SYNE1: variants seen among roughly 807,000 people sequenced by gnomAD.
SYNE1 encodes spectrin repeat containing nuclear envelope protein 1.
SYNE1 carries 616 observed loss-of-function variants against 1,111.0 expected under a neutral mutation model. The observed-to-expected ratio is 0.55, with a 90% CI of 0.52 to 0.59. SYNE1 has a LOEUF of 0.59. Ranked by LOEUF, SYNE1 falls within the 20% of genes least tolerant of loss-of-function variation. The probability of loss-of-function intolerance (pLI) is 0.00; values close to 1 mark genes in which losing one functional copy is unlikely to be tolerated. For missense variants in SYNE1, 10,006 were observed against 10,417.0 expected (o/e 0.96, Z 1.72); for synonymous variants, 3,855 against 3,825.8 (o/e 1.01, Z -0.28).
chr6:152,568,494 G>T (rs1156930966), intron 3 of SYNE1, among the ~76,000 whole-genome samples: 1 of 151,630 alleles, frequency 6.6e-6, no homozygotes, highest in Non-Finnish European at 1.5e-5. Flanking sequence ...GTAGAGATGG[G>T]GTTTCACCAT....
chr6:152,508,927 ATT>A (rs1181843585), intron 8 of SYNE1, among the ~76,000 whole-genome samples: 2 of 152,124 alleles, frequency 1.3e-5, no homozygotes. Context: ...TTCTCTTTTT[ATT>A]TTTTTATTTT....
At position 152,441,248 on chromosome 6, in the gene SYNE1, C is replaced by T. The variant is rs144566713; in HGVS notation, c.4031G>A (p.Arg1344Gln). 9.1e-4 allele frequency: 1,466 copies of T among 1,609,426 alleles called. 3 individuals are homozygous for T. Among genetic ancestry groups the T allele is most frequent in the Non-Finnish European group, 8.5e-4 (1,002 of 1,177,086 alleles). The change falls in exon 32 of 146, where the codon CGA becomes CAA. Residue 1344 changes from arginine to glutamine, a missense_variant. Transcript: ENST00000367255. ...RIQVTLRKWE[R>Q]FETNKETVVR... ...TACTGTTTCTTTGTTTGTTTCAAATCGCTCCCATTTTCTTAATGTGACCTA... is the reference window on the plus strand; with the variant it reads ...TACTGTTTCTTTGTTTGTTTCAAATTGCTCCCATTTTCTTAATGTGACCTA...
intron 11 of SYNE1, among the ~76,000 whole-genome samples, chr6:152,495,323 C>T (rs747159584): frequency 7.9e-5 from 12 of 152,160 alleles, no homozygotes; most frequent in Admixed American, 5.9e-4. Context: ...AAGGCCACCG[C>T]GGTCATCTCC....
At chr6:152,533,267 C>T (rs1309473732) in intron 4 of SYNE1, among the ~76,000 whole-genome samples, 2 of 151,658 alleles carry the variant, frequency 1.3e-5, no homozygotes, top group Admixed American at 1.3e-4. Context: ...TTTCCTGTGA[C>T]AGATAGCATA....
intron 62 of SYNE1, 96 bp from the exon 63 acceptor site, chr6:152,365,115 C>A (rs2097045459): frequency 2.0e-6 from 3 of 1,488,788 alleles, no homozygotes; most frequent in African/African-American, 1.4e-5. Flanking sequence ...GAATAATATG[C>A]AATTGTGCCC....
At chr6:152,216,896 C>T (rs764297319) in intron 121 of SYNE1, among the ~76,000 whole-genome samples, 1 of 151,418 alleles carries the variant, frequency 6.6e-6, no homozygotes, top group Admixed American at 6.6e-5. Flanking sequence ...CTCTCCATCT[C>T]TACTAAAAAT....
At chr6:152,541,530 C>T (rs527589289) in intron 3 of SYNE1, among the ~76,000 whole-genome samples, 3 of 152,062 alleles carry the variant, frequency 2.0e-5, no homozygotes, top group South Asian at 2.1e-4. Flanking sequence ...AGGCAGATTA[C>T]GAGGTCAGGA....
At chr6:152,165,140 A>G (rs1254357297) in intron 130 of SYNE1, among the ~76,000 whole-genome samples, 1 of 150,072 alleles carries the variant, frequency 6.7e-6, no homozygotes, top group East Asian at 2.0e-4. Flanking sequence ...GGATTGTCAC[A>G]CAGTCAGTGG....
At chr6:152,155,404 C>T (rs1033456817) in intron 132 of SYNE1, 6 of 311,534 alleles carry the variant, frequency 1.9e-5, no homozygotes, top group Admixed American at 1.4e-4. Context: ...AAGACGAGGT[C>T]GGAAAATCCA....
At chr6:152,282,086 T>C (rs1424836382) in intron 96 of SYNE1, 106 bp from the exon 97 acceptor site, 4 of 1,209,282 alleles carry the variant, frequency 3.3e-6, no homozygotes, top group Admixed American at 1.9e-5. Context: ...TAAGAATCAC[T>C]GGTAAAACTT....
At chr6:152,543,908 T>C (rs2099289862) in intron 3 of SYNE1, among the ~76,000 whole-genome samples, 1 of 152,242 alleles carries the variant, frequency 6.6e-6, no homozygotes, top group African/African-American at 2.4e-5. Context: ...TAATAGTCTA[T>C]ACCCTCTAGG....
chr6:152,398,656 T>C lies in SYNE1; in HGVS notation c.7313A>G (p.Asp2438Gly). Residue 2438 changes from aspartate to glycine, a missense_variant, in exon 49 of 146, where the codon GAC becomes GGC. Physicochemically the swap from Asp to Gly is moderately conservative, Grantham distance 94. Around this residue, in one of 7 missense-constraint regions of SYNE1, gnomAD observed 4,955 missense variants for 5,017.2 expected, o/e 0.99. Coordinates refer to ENST00000367255, the MANE Select transcript of SYNE1 (RefSeq NM_182961.4). ...AAKESSDRTG[D>G]SKVLEAKLHD... ...GAGCTTTGCTTCTAGAACTTTGCTG[T>C]CACCGGTGCGATCTGATGATTCTTT... 6.2e-7 allele frequency: 1 copy of C among 1,614,064 alleles called. No individual in the cohort carries two copies. The highest frequency in any genetic ancestry group is 8.5e-7 in the Non-Finnish European group (1 of 1,179,938).
At position 152,206,274 on chromosome 6, in the gene SYNE1, C is replaced by T. The variant is rs142117628; in HGVS notation, c.22913G>A (p.Gly7638Asp). 1,065 of 1,613,862 alleles carry T rather than the reference C, an allele frequency of 6.6e-4. No individual in the cohort carries two copies. Among genetic ancestry groups the T allele is most frequent in the Non-Finnish European group, 8.4e-4 (987 of 1,180,028 alleles). The stretch of plus-strand genomic sequence containing the variant: ...TTCGGCCTGCAAGGCGGCCTCAGCG[C>T]CACTGTCCGCCGAGAGAAGGAGTTG... The part of the protein sequence containing the change: ...GKQLLLSADS[G>D]AEAALQAELA... The change falls in exon 126 of 146, where the codon GGC (glycine) becomes GAC (aspartate). Residue 7638 changes from glycine to aspartate, a missense_variant. Transcript: ENST00000367255.
intron 47 of SYNE1, 60 bp from the exon 48 acceptor site, chr6:152,399,883 C>G: frequency 6.5e-7 from 1 of 1,543,408 alleles, no homozygotes; most frequent in Non-Finnish European, 8.9e-7. Flanking sequence ...ACTCCATTTA[C>G]TTCACTATGG....
chr6:152,167,225 C>T (rs941161587), intron 130 of SYNE1, among the ~76,000 whole-genome samples: 1 of 152,138 alleles, frequency 6.6e-6, no homozygotes, highest in Non-Finnish European at 1.5e-5. Context: ...CACTGAAACA[C>T]GTATATACAA....
rs1397742690 is a variant in SYNE1, at chr6:152,359,369, C to A, written c.10389G>T (p.Gln3463His). ...GAGMTEHYVT[Q>H]LELQDLQERY... is the part of the protein sequence containing the mutation. Reference sequence around the variant, plus strand: ...GTTCCTGTAGATCCTGGAGTTCTAGCTGGGTGACATAGTGTTCTGTCATGC... The same window carrying A: ...GTTCCTGTAGATCCTGGAGTTCTAGATGGGTGACATAGTGTTCTGTCATGC... Residue 3463 changes from glutamine (Q) to histidine (H), a missense_variant, in exon 65 of 146, where the codon CAG becomes CAT. Physicochemically the swap from Gln to His is conservative, Grantham distance 24. Coordinates refer to ENST00000367255, the MANE Select transcript of SYNE1 (RefSeq NM_182961.4). 1 of 1,614,126 alleles carries A rather than the reference C, an allele frequency of 6.2e-7. No individual in the cohort carries two copies. Among genetic ancestry groups the A allele is most frequent in the Non-Finnish European group, 8.5e-7 (1 of 1,180,038 alleles).
At chr6:152,483,931 G>C (rs1346342935) in intron 13 of SYNE1, among the ~76,000 whole-genome samples, 1 of 150,288 alleles carries the variant, frequency 6.7e-6, no homozygotes, top group Non-Finnish European at 1.5e-5. Flanking sequence ...GCTGGGTGCA[G>C]TGGCTCACTC....
At chr6:152,350,932 GACGAAT>G (rs2096731167) in intron 70 of SYNE1, among the ~76,000 whole-genome samples, 162 bp from the exon 71 acceptor site, 1 of 152,192 alleles carries the variant, frequency 6.6e-6, no homozygotes, top group Non-Finnish European at 1.5e-5. Context: ...GATTTATTAA[GACGAAT>G]ACAGTTTCTA....
intron 74 of SYNE1, among the ~76,000 whole-genome samples, chr6:152,343,391 CTG>C (rs983188910): frequency 6.0e-5 from 9 of 150,248 alleles, no homozygotes; most frequent in African/African-American, 2.2e-4. Flanking sequence ...ACTCTTGAAA[CTG>C]TGTGGTCGGC....
Sources: allele counts gnomAD v4.1 joint callset (sites outside exome capture counted in the v4.1 genomes callset), GRCh38; gene constraint gnomAD v4.1.1; regional missense constraint gnomAD v4.1.1; transcripts MANE v1.5; gene names NCBI Gene and HGNC (gene_info 2026-07-23, HGNC 2026-07-21).